The following NTM variants were observed in gnomAD, a reference collection of about 807,000 sequenced individuals.
NTM encodes IgLON family member 2.
Under a neutral mutation model 42.1 loss-of-function variants are expected in NTM, and 13 were observed. The observed-to-expected ratio is 0.31, with a 90% confidence interval of 0.20 to 0.49. The LOEUF (loss-of-function observed/expected upper bound fraction) is 0.49, where lower values mean the gene tolerates loss of function less well. Among genes scored for constraint, NTM ranks in the 20% least tolerant of loss-of-function variants. The probability of loss-of-function intolerance (pLI) is 0.99; values close to 1 mark genes in which losing one functional copy is unlikely to be tolerated. For missense variants in NTM, 373 were observed against 452.8 expected, an observed-to-expected ratio of 0.82 and a Z score of 1.60; for synonymous variants, 187 against 179.2, an observed-to-expected ratio of 1.04 and a Z score of -0.35.
intron 2 of NTM, among the ~76,000 whole-genome samples, chr11:131,965,547 CTAAT>C (rs1334063446): frequency 6.6e-6 from 1 of 152,042 alleles, no homozygotes; most frequent in African/African-American, 2.4e-5. Context: ...AATATTTAGA[CTAAT>C]TGTCAAATGA....
At chr11:131,966,521 G>A (rs573742977) in intron 2 of NTM, among the ~76,000 whole-genome samples, 7 of 152,298 alleles carry the variant, frequency 4.6e-5, no homozygotes, top group Admixed American at 1.3e-4. Flanking sequence ...TTATGGAGGC[G>A]ATGTTTAGCA....
intron 2 of NTM, among the ~76,000 whole-genome samples, chr11:132,005,301 G>C (rs140015890): frequency 2.5e-3 from 374 of 152,208 alleles, no homozygotes; most frequent in African/African-American, 8.5e-3. Context: ...TCTTCTCTTG[G>C]GTGATGAATA....
chr11:132,043,622 C>A (rs1023314199), intron 2 of NTM, among the ~76,000 whole-genome samples: 3 of 152,158 alleles, frequency 2.0e-5, no homozygotes, highest in Non-Finnish European at 4.4e-5. Flanking sequence ...AGTGGTCACC[C>A]GTTATGGCTC....
At chr11:132,327,825 CCCTCCCTT>C (rs914012308) in intron 7 of NTM, among the ~76,000 whole-genome samples, 1 of 146,686 alleles carries the variant, frequency 6.8e-6, no homozygotes, top group African/African-American at 2.5e-5. Flanking sequence ...CTCCCTCCCT[CCCTCCCTT>C]CCTTCCTTCC....
chr11:131,463,877 G>A (rs949923060), intron 1 of NTM, among the ~76,000 whole-genome samples: 11 of 152,226 alleles, frequency 7.2e-5, no homozygotes, highest in Non-Finnish European at 1.5e-4. Context: ...CCTGGAGGCG[G>A]CAGCCTGCCC....
intron 1 of NTM, among the ~76,000 whole-genome samples, chr11:131,418,233 C>A (rs1421980626): frequency 6.6e-6 from 1 of 152,194 alleles, no homozygotes; most frequent in Non-Finnish European, 1.5e-5. Flanking sequence ...GGATTCAGAG[C>A]TCACTAGGAA....
intron 1 of NTM, among the ~76,000 whole-genome samples, chr11:131,896,727 C>T (rs1292422003): frequency 7.4e-6 from 1 of 134,864 alleles, no homozygotes; most frequent in Non-Finnish European, 1.5e-5. Context: ...CTGGCTCTGT[C>T]GCCCAGGCTG....
At chr11:131,500,195 G>A (rs1314182916) in intron 1 of NTM, among the ~76,000 whole-genome samples, 1 of 152,168 alleles carries the variant, frequency 6.6e-6, no homozygotes, top group Admixed American at 6.5e-5. Context: ...CGGGAGAGAG[G>A]ATAAGCACCC....
At chr11:131,466,347 T>G (rs1951891930) in intron 1 of NTM, among the ~76,000 whole-genome samples, 1 of 151,962 alleles carries the variant, frequency 6.6e-6, no homozygotes, top group Admixed American at 6.5e-5. Context: ...TATTTAATCC[T>G]TACCACAATC....
chr11:131,510,813 G>A (rs1186977161), intron 1 of NTM, among the ~76,000 whole-genome samples: 2 of 152,152 alleles, frequency 1.3e-5, no homozygotes, highest in African/African-American at 2.4e-5. Flanking sequence ...CTGTGGGGGT[G>A]CTGGTGCAGA....
chr11:131,980,435 A>G (rs1196439593), intron 2 of NTM, among the ~76,000 whole-genome samples: 2 of 152,244 alleles, frequency 1.3e-5, no homozygotes, highest in African/African-American at 2.4e-5. Flanking sequence ...AAATTTAATT[A>G]AAGACAGGAA....
rs1321998067 is a variant in NTM, at chr11:131,789,607, GA to G, written c.83-121955del. 3.7e-5 allele frequency among the ~76,000 whole-genome samples: 3 copies of G among 81,402 alleles called. 1 individual carries two copies. Among genetic ancestry groups the G allele is most frequent in the African/African-American group, 6.0e-5 (1 of 16,620 alleles). The allele number at this position is 81,402 out of a possible 152,430, so 53.4% of individuals were successfully genotyped here. ...AGAAGAAGAAGAAGAAGAAGAAGAA[GA>G]AGAAGAAGAAGAAGAAGAAGAAGAA... On this transcript the variant is annotated intron_variant, in intron 1 of 8. Coordinates refer to ENST00000683400, the MANE Select transcript of NTM (RefSeq NM_001352005.2).
At chr11:131,428,628 A>G (rs1036842270) in intron 1 of NTM, among the ~76,000 whole-genome samples, 1 of 152,170 alleles carries the variant, frequency 6.6e-6, no homozygotes, top group South Asian at 2.1e-4. Flanking sequence ...TTGAGGAAAG[A>G]ACAGGAAGAA....
rs150270972 is a variant in NTM at position 131,933,971 on chromosome 11, T to C, written c.167+22323T>C. On this transcript the variant is annotated intron_variant, in intron 2 of 8. Coordinates refer to ENST00000683400, the MANE Select transcript of NTM (RefSeq NM_001352005.2). ...ACCATCCCAATTTTAAAAATGAGGG[T>C]CTGAGATGCAGAGACGTGGAGGAGT... Among the ~76,000 whole-genome samples, 23 of 152,118 alleles carry C rather than the reference T, an allele frequency of 1.5e-4. No homozygotes were observed. The East Asian group carries it at 4.4e-3, about 29-fold the overall frequency.
intron 1 of NTM, among the ~76,000 whole-genome samples, chr11:131,452,163 T>C (rs1463083622): frequency 9.2e-5 from 14 of 152,216 alleles, no homozygotes; most frequent in Admixed American, 7.9e-4. Context: ...GACTTCTGAA[T>C]GTGTGGAGTT....
At chr11:131,754,749 G>A (rs1251608676) in intron 1 of NTM, among the ~76,000 whole-genome samples, 1 of 152,106 alleles carries the variant, frequency 6.6e-6, no homozygotes, top group African/African-American at 2.4e-5. Context: ...GTTCATAGCA[G>A]CTTTATTTAT....
rs1310038936 is a variant in NTM at position 132,002,395 on chromosome 11, G to A, written c.167+90747G>A. On this transcript the variant is annotated intron_variant, in intron 2 of 8. Transcript: ENST00000683400. This position sits in a 1 kb window ranked among gnomAD's most constrained non-coding sequence, Gnocchi z 4.5. Reference sequence around the variant, plus strand: ...GTTTTCTAATAAGCAACTGAGTTGGGAAGGTAACAGAAGGGGAAATTTTGG... The same window carrying A: ...GTTTTCTAATAAGCAACTGAGTTGGAAAGGTAACAGAAGGGGAAATTTTGG... Among the ~76,000 whole-genome samples, 1 of 152,162 alleles carries A rather than the reference G, an allele frequency of 6.6e-6. No individual in the cohort carries two copies. The highest frequency in any genetic ancestry group is 1.5e-5 in the Non-Finnish European group (1 of 68,030).
intron 1 of NTM, among the ~76,000 whole-genome samples, chr11:131,427,181 A>T (rs1357898326): frequency 6.6e-6 from 1 of 152,120 alleles, no homozygotes; most frequent in Non-Finnish European, 1.5e-5. Flanking sequence ...ATATCAAGGT[A>T]TCCAATTTGG....
At chr11:131,549,358 A>G (rs2054344675) in intron 1 of NTM, among the ~76,000 whole-genome samples, 1 of 152,076 alleles carries the variant, frequency 6.6e-6, no homozygotes, top group South Asian at 2.1e-4. Context: ...TATAGAAGAA[A>G]CCCCAGGCAC....
Sources: allele counts gnomAD v4.1 joint callset (sites outside exome capture counted in the v4.1 genomes callset), GRCh38; gene constraint gnomAD v4.1.1; non-coding constraint Gnocchi (gnomAD v3.1); transcripts MANE v1.5; gene names NCBI Gene and HGNC (gene_info 2026-07-23, HGNC 2026-07-21).